The following CEP112 variants were observed in gnomAD, a reference collection of about 807,000 sequenced individuals.
CEP112 encodes the protein centrosomal protein 112.
In CEP112, 127 loss-of-function variants were observed where a neutral mutation model predicts 153.0. The observed-to-expected ratio is 0.83, with a 90% CI of 0.72 to 0.96. CEP112 has a LOEUF of 0.96. Ranked by LOEUF, CEP112 falls within the 40% of genes least tolerant of loss-of-function variation. CEP112 has a pLI of 0.00. For synonymous variants in CEP112, 358 were observed against 374.4 expected, an observed-to-expected ratio of 0.96 and a Z score of 0.51; for missense variants, 1,089 against 1,101.2, an observed-to-expected ratio of 0.99 and a Z score of 0.16.
intron 17 of CEP112, among the ~76,000 whole-genome samples, chr17:65,969,880 T>C (rs898728169): frequency 1.3e-5 from 2 of 152,196 alleles, no homozygotes; most frequent in Admixed American, 1.3e-4. Flanking sequence ...GCATTATGTG[T>C]AAATTACATG....
At chr17:65,999,384 G>C (rs948473246) in intron 17 of CEP112, among the ~76,000 whole-genome samples, 6 of 151,946 alleles carry the variant, frequency 3.9e-5, no homozygotes, top group South Asian at 2.1e-4. Context: ...TGTATTTTTA[G>C]TGGATACGGG....
chr17:66,096,206 A>T, intron 8 of CEP112, 45 bp downstream of exon 8: 1 of 1,350,862 alleles, frequency 7.4e-7, no homozygotes, highest in Non-Finnish European at 1.0e-6. Context: ...ATAAAATATT[A>T]AAACTGTATT....
At chr17:66,061,685 A>G (rs2066925921) in intron 11 of CEP112, among the ~76,000 whole-genome samples, 1 of 152,186 alleles carries the variant, frequency 6.6e-6, no homozygotes, top group Non-Finnish European at 1.5e-5. Flanking sequence ...TCAGTGGAAT[A>G]AACTGGGAGC....
rs997883005 is a variant in CEP112 at position 66,174,813 on chromosome 17, A to T, written c.470+231T>A. 1.1e-4 allele frequency among the ~76,000 whole-genome samples: 16 copies of T among 152,192 alleles called. 1 individual carries two copies. Among genetic ancestry groups the T allele is most frequent in the African/African-American group, 2.4e-5 (1 of 41,450 alleles). On this transcript the variant is annotated intron_variant, in intron 4 of 26. Transcript: ENST00000535342. ...ATGCTTGTCATAAAGGAAAATACATAATTGTGTCATTTAAAGATGCTCAGG... is the reference window on the plus strand; with the variant it reads ...ATGCTTGTCATAAAGGAAAATACATTATTGTGTCATTTAAAGATGCTCAGG...
At chr17:65,834,073 CA>C (rs1390359608) in intron 21 of CEP112, among the ~76,000 whole-genome samples, 1 of 152,022 alleles carries the variant, frequency 6.6e-6, no homozygotes, top group East Asian at 1.9e-4. Flanking sequence ...TGATCTTTGA[CA>C]AAGATGACAA....
chr17:65,757,296 T>G (rs1205414284), intron 21 of CEP112, among the ~76,000 whole-genome samples: 1 of 152,142 alleles, frequency 6.6e-6, no homozygotes, highest in Admixed American at 6.5e-5. Context: ...CTGCTGGAAG[T>G]GCAGGCAAAT....
chr17:65,822,251 TA>T (rs916304024), intron 21 of CEP112, among the ~76,000 whole-genome samples: 21 of 148,736 alleles, frequency 1.4e-4, no homozygotes, highest in East Asian at 2.0e-4. Flanking sequence ...ATTGTTGTTA[TA>T]AAAAAAAAAT....
chr17:66,133,126 TTATTTA>T (rs1194014648), intron 4 of CEP112, among the ~76,000 whole-genome samples: 3 of 152,142 alleles, frequency 2.0e-5, no homozygotes, highest in African/African-American at 7.2e-5. Context: ...AATAACCTTT[TTATTTA>T]TATTTCATTT....
rs1178890183 is a variant in CEP112, at chr17:66,129,747, C to G, written c.641G>C (p.Gly214Ala). Residue 214 changes from glycine (G) to alanine (A), a missense_variant and splice_region_variant, in exon 6 of 27, where the codon GGG becomes GCG. Transcript: ENST00000535342. Reference protein sequence around the residue: ...IEARLNSWNLGIENPRYLRQK... With the variant: ...IEARLNSWNLAIENPRYLRQK... ...CATAAAGCAAATACTTTTTTTTACC[C>G]CAAGATTCCAACTATTAAGGCGAGC... The G allele has an allele frequency of 6.2e-7, 1 of 1,604,134 alleles. No individual in the cohort carries two copies. Among genetic ancestry groups the G allele is most frequent in the Non-Finnish European group, 8.5e-7 (1 of 1,174,446 alleles).
At chr17:66,034,122 C>T (rs1028448466) in intron 12 of CEP112, among the ~76,000 whole-genome samples, 1 of 152,106 alleles carries the variant, frequency 6.6e-6, no homozygotes. Context: ...TACCAAGGCA[C>T]TACTGTATTC....
At position 66,049,361 on chromosome 17, in the gene CEP112, T is replaced by C. The variant is rs952301422; in HGVS notation, c.1218+4375A>G. Among the ~76,000 whole-genome samples, 5 of 152,234 alleles carry C rather than the reference T, an allele frequency of 3.3e-5. No homozygotes were observed. The East Asian group carries it at 9.6e-4, about 29-fold the overall frequency. ...AATAATATTATCACCTATATTATCA[T>C]TCATAATACACAGCACATTATGACT... On this transcript the variant is annotated intron_variant, in intron 12 of 26. Transcript: ENST00000535342.
chr17:65,952,898 T>C (rs2061884198), intron 18 of CEP112, among the ~76,000 whole-genome samples: 1 of 152,224 alleles, frequency 6.6e-6, no homozygotes, highest in African/African-American at 2.4e-5. Context: ...CATGTGGTTA[T>C]TAGTCATTTG....
intron 18 of CEP112, among the ~76,000 whole-genome samples, chr17:65,950,221 C>G (rs2061777467): frequency 6.6e-6 from 1 of 151,924 alleles, no homozygotes; most frequent in African/African-American, 2.4e-5. Flanking sequence ...TTTTTTTAAA[C>G]TTTACTAGTG....
At chr17:65,706,350 C>G (rs1047843779) in intron 23 of CEP112, among the ~76,000 whole-genome samples, 3 of 152,122 alleles carry the variant, frequency 2.0e-5, no homozygotes, top group Admixed American at 1.3e-4. Flanking sequence ...CTCAGGACAC[C>G]CTGGTGCAGT....
chr17:66,017,790 G>A (rs1025039362), intron 16 of CEP112, among the ~76,000 whole-genome samples: 2 of 152,078 alleles, frequency 1.3e-5, no homozygotes, highest in African/African-American at 4.8e-5. Flanking sequence ...CACGAGGTCA[G>A]GAGATTGATA....
chr17:65,775,819 A>G (rs1432060011), intron 21 of CEP112, among the ~76,000 whole-genome samples: 1 of 152,142 alleles, frequency 6.6e-6, no homozygotes, highest in East Asian at 1.9e-4. Flanking sequence ...AATTCTTAAA[A>G]GCTTATTATT....
At chr17:65,687,107 A>C (rs2047836941) in intron 24 of CEP112, among the ~76,000 whole-genome samples, 1 of 150,256 alleles carries the variant, frequency 6.7e-6, no homozygotes, top group African/African-American at 2.4e-5. Context: ...TGTAACATTT[A>C]TTGTACAGTG....
chr17:65,843,574 T>C (rs1251257179), intron 21 of CEP112, among the ~76,000 whole-genome samples: 5 of 152,228 alleles, frequency 3.3e-5, no homozygotes, highest in Admixed American at 6.5e-5. Flanking sequence ...AAGGTTTAAG[T>C]AGTTTCTATG....
chr17:65,865,816 G>GT (rs956007395), intron 20 of CEP112, among the ~76,000 whole-genome samples: 9 of 152,230 alleles, frequency 5.9e-5, no homozygotes, highest in Non-Finnish European at 1.3e-4. Context: ...TCTGGGAGCT[G>GT]TTTTGATGGG....
Sources: gnomAD v4.1 joint callset for allele counts (sites outside exome capture counted in the v4.1 genomes callset) on GRCh38, gnomAD v4.1.1 for gene constraint, MANE v1.5 for transcripts, NCBI Gene and HGNC (gene_info 2026-07-23, HGNC 2026-07-21) for gene names.